The following LOXL3 variants were observed in gnomAD, a reference collection of about 807,000 sequenced individuals.
LOXL3 encodes the protein lysyl oxidase homolog 3.
In LOXL3, 60 loss-of-function variants were observed where a neutral mutation model predicts 91.8. The observed-to-expected ratio is 0.65, with a 90% CI of 0.53 to 0.81. The LOEUF (loss-of-function observed/expected upper bound fraction) is 0.81, where lower values mean the gene tolerates loss of function less well. Among genes scored for constraint, LOXL3 ranks in the 30% least tolerant of loss-of-function variants. The pLI, the probability that LOXL3 is intolerant of heterozygous loss-of-function variation, is 0.00. For missense variants in LOXL3, 874 were observed against 1,000.4 expected, an observed-to-expected ratio of 0.87 and a Z score of 1.70; for synonymous variants, 355 against 387.6, an observed-to-expected ratio of 0.92 and a Z score of 0.99.
chr2:74,533,507 C>A lies in LOXL3; in HGVS notation c.*99G>T. The A allele has an allele frequency of 4.0e-6, 4 of 1,009,820 alleles. No homozygotes were observed. In the South Asian group the frequency reaches 5.6e-5, roughly 14 times the overall value. 62.6% of individuals were successfully genotyped at this position (1,009,820 alleles called of 1,614,324 possible). ...TCCATAGTGCATGGTCTGATGAGTG[C>A]GGTTGCTGACATGGGTTTCTTGGTA... On this transcript the variant is annotated 3_prime_UTR_variant, in exon 14 of 14. Coordinates refer to ENST00000264094, the MANE Select transcript of LOXL3 (RefSeq NM_032603.5).
In LOXL3 at chr2:74,536,000, G is replaced by C. The variant is rs1375568938; in HGVS notation, c.1244C>G (p.Thr415Ser). ...RCNLPYTGAE[T>S]RIRLSGGRSQ... ...AAGGTAGAGAGGATGACTGACCCTG[G>C]TCTCTGCCCCAGTGTAAGGTAGGTT... The change falls in exon 7 of 14, where the codon ACC becomes AGC. Residue 415 changes from threonine (T) to serine (S), a missense_variant. Transcript: ENST00000264094. The surrounding 1 kb of genome is among the most constrained non-coding windows in gnomAD (Gnocchi z 4.2). 11 of 1,570,690 alleles carry C rather than the reference G, an allele frequency of 7.0e-6. No homozygotes were observed. The Admixed American group carries it at 2.0e-4, about 29-fold the overall frequency.
rs372495119 is a variant in LOXL3, at chr2:74,536,724, C to T, written c.897G>A (p.Ser299=). 3.5e-5 allele frequency: 57 copies of T among 1,614,192 alleles called. 1 individual carries two copies. The highest frequency in any genetic ancestry group is 3.1e-4 in the South Asian group (28 of 91,082). ...ASSGQKKQQQ[S]KPQGEARVRL... ...TCTCACACACCTCCCCCTGAGGCTT[C>T]GACTGTTGTTGCTTCTTCTGGCCAC... The change falls in exon 5 of 14, where the codon TCG becomes TCA. Residue 299 remains serine (S), a synonymous_variant. Transcript: ENST00000264094. This position sits in a 1 kb window ranked among gnomAD's most constrained non-coding sequence, Gnocchi z 4.5.
chr2:74,546,538 C>T (rs1171297094), intron 4 of LOXL3, among the ~76,000 whole-genome samples: 6 of 152,160 alleles, frequency 3.9e-5, no homozygotes, highest in African/African-American at 9.7e-5. Context: ...ACTACATACA[C>T]ACACAGGCAC....
chr2:74,547,802 C>T (rs1320164622), intron 4 of LOXL3, among the ~76,000 whole-genome samples: 3 of 151,920 alleles, frequency 2.0e-5, no homozygotes, highest in African/African-American at 7.3e-5. Context: ...TTCTTAGAGA[C>T]CTAAAAGGAT....
rs1675771302 is a variant in LOXL3, at chr2:74,533,420, G to C, written c.*186C>G. 1.7e-6 allele frequency: 1 copy of C among 596,742 alleles called. No homozygotes were observed. Among genetic ancestry groups the C allele is most frequent in the South Asian group, 2.0e-5 (1 of 50,506 alleles). 37.0% of individuals were successfully genotyped at this position (596,742 alleles called of 1,614,324 possible). A position where few individuals can be genotyped will look rare whatever the true frequency, so the allele number is the denominator to read the frequency against. ...CTGGGAGCAAAGATTCCCATGCTTG[G>C]CTACAGATACTGACAGCTGGCCTCT... On this transcript the variant is annotated 3_prime_UTR_variant, in exon 14 of 14. Transcript: ENST00000264094.
At position 74,534,367 on chromosome 2, in the gene LOXL3, C is replaced by A; in HGVS notation, c.1888G>T (p.Ala630Ser). 6.2e-7 allele frequency: 1 copy of A among 1,614,262 alleles called. No homozygotes were observed. Among genetic ancestry groups the A allele is most frequent in the Non-Finnish European group, 8.5e-7 (1 of 1,180,044 alleles). The change falls in exon 11 of 14, where the codon GCT (alanine) becomes TCT (serine). Residue 630 changes from alanine to serine, a missense_variant. Coordinates refer to ENST00000264094, the MANE Select transcript of LOXL3 (RefSeq NM_032603.5). ...CAGAAACTAGCTTTGTGGCCCTCAGCCACCTTGGTGCCATTTGGGGTGAGG... is the reference window on the plus strand; with the variant it reads ...CAGAAACTAGCTTTGTGGCCCTCAGACACCTTGGTGCCATTTGGGGTGAGG... Reference protein sequence around the residue: ...DILTPNGTKVAEGHKASFCLE... With the variant: ...DILTPNGTKVSEGHKASFCLE...
chr2:74,534,667 T>G lies in LOXL3; in HGVS notation c.1687A>C (p.Ser563Arg). The change falls in exon 10 of 14, where the codon AGC becomes CGC. Residue 563 changes from serine to arginine, a missense_variant. Ser to Arg is a moderately radical substitution (Grantham distance 110). Transcript: ENST00000264094. ...YCAAEENCLA[S>R]SARSANWPYG... ...GGCCAGTTGGCTGAGCGGGCTGAGC[T>G]GGCCAGGCAGTTCTCTTCCGCAGCA... 1 of 1,614,194 alleles carries G rather than the reference T, an allele frequency of 6.2e-7. No individual in the cohort carries two copies.
chr2:74,537,934 A>G (rs1445807516), intron 4 of LOXL3, among the ~76,000 whole-genome samples: 1 of 152,198 alleles, frequency 6.6e-6, no homozygotes, highest in Non-Finnish European at 1.5e-5. Flanking sequence ...GCATTATTGC[A>G]ATAATGTGCC....
chr2:74,534,703 T>C lies in LOXL3; in HGVS notation c.1651A>G (p.Met551Val). 1 of 1,614,124 alleles carries C rather than the reference T, an allele frequency of 6.2e-7. No individual in the cohort carries two copies. Among genetic ancestry groups the C allele is most frequent in the Non-Finnish European group, 8.5e-7 (1 of 1,180,028 alleles). The part of the protein sequence containing the change: ...TAYIEDRPLH[M>V]LYCAAEENCL... ...TTCTCTTCCGCAGCACAGTACAACA[T>C]ATGCAGGGGCCGGTCTTCGATGTAG... is the stretch of plus-strand genomic sequence containing the variant. The change falls in exon 10 of 14, where the codon ATG becomes GTG. Residue 551 changes from methionine to valine, a missense_variant. Coordinates refer to ENST00000264094, the MANE Select transcript of LOXL3 (RefSeq NM_032603.5).
intron 4 of LOXL3, among the ~76,000 whole-genome samples, chr2:74,546,829 G>A (rs538839015): frequency 2.6e-5 from 4 of 152,176 alleles, no homozygotes; most frequent in Admixed American, 2.6e-4. Flanking sequence ...CCATTCTCCC[G>A]CCTCAGCCTC....
At chr2:74,553,357 A>G (rs761684172) in intron 1 of LOXL3, among the ~76,000 whole-genome samples, 5 of 152,182 alleles carry the variant, frequency 3.3e-5, no homozygotes, top group Non-Finnish European at 7.4e-5. Context: ...CCCAACACGC[A>G]GGCTCTCAGA....
intron 2 of LOXL3, among the ~76,000 whole-genome samples, chr2:74,551,594 G>C (rs1349171660): frequency 6.6e-6 from 1 of 152,244 alleles, no homozygotes; most frequent in East Asian, 1.9e-4. Context: ...CTTGGCTTCT[G>C]AATCTTTCAC....
Position 74,536,613 on chromosome 2 carries a change from C to T in LOXL3, c.912+96G>A, listed in dbSNP as rs879168776. The T allele has an allele frequency of 7.4e-5, 110 of 1,483,872 alleles. 2 individuals are homozygous for T. In the South Asian group the frequency reaches 1.3e-3, roughly 18 times the overall value. The allele number at this position is 1,483,872 out of a possible 1,614,324, so 91.9% of individuals were successfully genotyped here. ...GGCCCACCCCCTGGAAGGCTCCTCTCTGTCCTCAAAGGTCAGGGCTGTGCT... is the reference window on the plus strand; with the variant it reads ...GGCCCACCCCCTGGAAGGCTCCTCTTTGTCCTCAAAGGTCAGGGCTGTGCT... On this transcript the variant is annotated intron_variant, in intron 5 of 13. Transcript: ENST00000264094. This position sits in a 1 kb window ranked among gnomAD's most constrained non-coding sequence, Gnocchi z 4.5.
chr2:74,540,332 G>T (rs1676256632), intron 4 of LOXL3, among the ~76,000 whole-genome samples: 1 of 152,220 alleles, frequency 6.6e-6, no homozygotes, highest in Non-Finnish European at 1.5e-5. Flanking sequence ...GGGCTAAGGG[G>T]AGCATCGTTA....
chr2:74,532,792 C>T lies in LOXL3; in HGVS notation c.*814G>A, dbSNP rs189064500. 281 of 1,614,084 alleles carry T rather than the reference C, an allele frequency of 1.7e-4. 1 individual carries two copies. The African/African-American group carries it at 3.4e-3, about 20-fold the overall frequency. On this transcript the variant is annotated 3_prime_UTR_variant, in exon 14 of 14. Coordinates refer to ENST00000264094, the MANE Select transcript of LOXL3 (RefSeq NM_032603.5). ...CTTGAACTAGGCTTTGTACTCCTTC[C>T]TTTCTCTCTGTCCATTTTTCTCTAT... is the stretch of plus-strand genomic sequence containing the variant.
At chr2:74,546,529 C>T (rs544948475) in intron 4 of LOXL3, among the ~76,000 whole-genome samples, 26 of 152,210 alleles carry the variant, frequency 1.7e-4, no homozygotes, top group Non-Finnish European at 2.6e-4. Context: ...CCATCACCCA[C>T]TACATACACA....
chr2:74,552,637 C>A lies in LOXL3; in HGVS notation c.-3G>T, dbSNP rs1407720105. On this transcript the variant is annotated 5_prime_UTR_variant, in exon 2 of 14. Transcript: ENST00000264094. ...TGCCAGACACTGACAGGTCGCATGGCAGGGAAGGCCTGGGTGCCCCAGAGA... is the reference window on the plus strand; with the variant it reads ...TGCCAGACACTGACAGGTCGCATGGAAGGGAAGGCCTGGGTGCCCCAGAGA... The A allele has an allele frequency of 1.3e-6, 2 of 1,540,920 alleles. No individual in the cohort carries two copies. Among genetic ancestry groups the A allele is most frequent in the African/African-American group, 1.4e-5 (1 of 73,284 alleles).
rs1310691464 is a variant in LOXL3, at chr2:74,535,910, G to A, written c.1248+86C>T. The A allele has an allele frequency of 6.7e-7, 1 of 1,495,680 alleles. No homozygotes were observed. The highest frequency in any genetic ancestry group is 8.9e-7 in the Non-Finnish European group (1 of 1,123,806). The allele number at this position is 1,495,680 out of a possible 1,614,324, so 92.7% of individuals were successfully genotyped here. ...CAGGAGGGCAGGGGCCTGGGGCAAT[G>A]GGCTGGGGGCCATTGGACTGTAGAT... On this transcript the variant is annotated intron_variant, in intron 7 of 13. Coordinates refer to ENST00000264094, the MANE Select transcript of LOXL3 (RefSeq NM_032603.5). This position sits in a 1 kb window ranked among gnomAD's most constrained non-coding sequence, Gnocchi z 4.2.
Position 74,534,162 on chromosome 2 carries a change from GC to G in LOXL3, c.2013del (p.His672MetfsTer13). On this transcript the variant is annotated frameshift_variant, in exon 12 of 14. Transcript: ENST00000264094. LOFTEE classifies it high-confidence loss of function. The part of the protein sequence containing the change: ...GITVGCWDLY[R>X]HDIDCQWIDI... ...TCAATCCACTGACAGTCAATGTCAT[GC>G]CGGTAGAGATCCCAGCAACCCACAG... is the stretch of plus-strand genomic sequence containing the variant. 1 of 1,614,190 alleles carries G rather than the reference GC, an allele frequency of 6.2e-7. No homozygotes were observed. The highest frequency in any genetic ancestry group is 8.5e-7 in the Non-Finnish European group (1 of 1,180,032).
Sources: gnomAD v4.1 joint callset for allele counts (sites outside exome capture counted in the v4.1 genomes callset) on GRCh38, gnomAD v4.1.1 for gene constraint, Gnocchi (gnomAD v3.1) non-coding constraint, MANE v1.5 for transcripts, NCBI Gene and HGNC (gene_info 2026-07-23, HGNC 2026-07-21) for gene names.